ACE: variants seen among roughly 807,000 people sequenced by gnomAD.
ACE encodes angiotensin-converting enzyme.
Under a neutral mutation model 162.3 loss-of-function variants are expected in ACE, and 122 were observed. That is an observed-to-expected ratio of 0.75 (90% CI 0.65 to 0.87). ACE has a LOEUF of 0.87. Ranked by LOEUF, ACE falls within the 40% of genes least tolerant of loss-of-function variation. The pLI, the probability that ACE is intolerant of heterozygous loss-of-function variation, is 0.00. For synonymous variants in ACE, 796 were observed against 720.6 expected (o/e 1.10, Z -1.68); for missense variants, 1,799 against 1,735.1 (o/e 1.04, Z -0.65).
intron 19 of ACE, among the ~76,000 whole-genome samples, chr17:63,492,504 G>A (rs1446618545): frequency 1.3e-5 from 2 of 152,246 alleles, no homozygotes; most frequent in East Asian, 1.9e-4. Flanking sequence ...CCACAGGGCT[G>A]AGAGGAGACA....
In ACE at chr17:63,497,372, C is replaced by G. The variant is rs1244430913; in HGVS notation, c.*6C>G. On this transcript the variant is annotated 3_prime_UTR_variant, in exon 25 of 25. Coordinates refer to ENST00000290866, the MANE Select transcript of ACE (RefSeq NM_000789.4). ...TGGAGCTGAGACACTCCTGAGGTGA[C>G]CCGGCTGGGTCGGCCCTGCCCAAGG... 1.3e-6 allele frequency: 2 copies of G among 1,547,812 alleles called. No homozygotes were observed. The highest frequency in any genetic ancestry group is 1.7e-6 in the Non-Finnish European group (2 of 1,146,616).
rs1037068942 is a variant in ACE, at chr17:63,489,087, G to A, written c.2596G>A (p.Ala866Thr). ...CCGGGCCCTGCACCGTCACTACGGG[G>A]CCCAGCACATCAACCTGGAGGGGCC... The part of the protein sequence containing the change: ...VRRALHRHYG[A>T]QHINLEGPIP... Residue 866 changes from alanine (A) to threonine (T), a missense_variant, in exon 17 of 25, where the codon GCC (alanine) becomes ACC (threonine). Ala to Thr is a moderately conservative substitution (Grantham distance 58). Transcript: ENST00000290866. The A allele has an allele frequency of 6.2e-7, 1 of 1,613,302 alleles. No individual in the cohort carries two copies. The highest frequency in any genetic ancestry group is 2.2e-5 in the East Asian group (1 of 44,888).
At chr17:63,493,822 C>T (rs1456673220) in intron 20 of ACE, 100 bp from the exon 21 acceptor site, 2 of 1,579,042 alleles carry the variant, frequency 1.3e-6, no homozygotes, top group Non-Finnish European at 1.7e-6. Context: ...GGTCACAGGG[C>T]CCAAAAGGTA....
At position 63,496,348 on chromosome 17, in the gene ACE, G is replaced by C. The variant is rs1268182366; in HGVS notation, c.3381-46G>C. ...AGGGCCTGGGGCCCAGTGGCACAAGGCCCTCAACCAACTCCGCCCCGGGCC... is the reference window on the plus strand; with the variant it reads ...AGGGCCTGGGGCCCAGTGGCACAAGCCCCTCAACCAACTCCGCCCCGGGCC... On this transcript the variant is annotated intron_variant, in intron 22 of 24. Transcript: ENST00000290866. The C allele has an allele frequency of 3.1e-6, 5 of 1,613,532 alleles. No homozygotes were observed. The African/African-American group carries it at 5.3e-5, about 17-fold the overall frequency.
chr17:63,485,061 G>T, intron 12 of ACE, 175 bp from the exon 13 acceptor site: 2 of 1,562,346 alleles, frequency 1.3e-6, no homozygotes, highest in Non-Finnish European at 1.7e-6. Context: ...TCAGCCCAGA[G>T]CCCAAGTGGG....
chr17:63,477,298 C>T lies in ACE; in HGVS notation c.204C>T (p.Ser68=). ...EQVLFQSVAA[S]WAHDTNITAE... Reference sequence around the variant, plus strand: ...TGCTGTTCCAGAGCGTGGCCGCCAGCTGGGCGCACGACACCAACATCACCG... The same window carrying T: ...TGCTGTTCCAGAGCGTGGCCGCCAGTTGGGCGCACGACACCAACATCACCG... The change falls in exon 1 of 25, where the codon AGC becomes AGT. Residue 68 remains serine (S), a synonymous_variant. Coordinates refer to ENST00000290866, the MANE Select transcript of ACE (RefSeq NM_000789.4). 7 of 1,442,770 alleles carry T rather than the reference C, an allele frequency of 4.9e-6. No homozygotes were observed. The highest frequency in any genetic ancestry group is 6.4e-6 in the Non-Finnish European group (7 of 1,092,208). The allele number at this position is 1,442,770 out of a possible 1,614,324, so 89.4% of individuals were successfully genotyped here. A position where few individuals can be genotyped will look rare whatever the true frequency, so the allele number is the denominator to read the frequency against.
Position 63,483,855 on chromosome 17 carries a change from T to A in ACE, c.1593T>A (p.Phe531Leu). ...TCCCACCCTGTGCCTGCAGGTACTT[T>A]GTGAGTTTTGTCCTGCAGTTCCAGT... ...VPNVTPYIRY[F>L]VSFVLQFQFH... The change falls in exon 11 of 25, where the codon TTT becomes TTA. Residue 531 changes from phenylalanine to leucine, a missense_variant. Physicochemically the swap from Phe to Leu is conservative, Grantham distance 22. Coordinates refer to ENST00000290866, the MANE Select transcript of ACE (RefSeq NM_000789.4). 1.9e-6 allele frequency: 3 copies of A among 1,614,070 alleles called. No homozygotes were observed. Among genetic ancestry groups the A allele is most frequent in the Non-Finnish European group, 2.5e-6 (3 of 1,180,008 alleles).
chr17:63,484,479 T>G lies in ACE; in HGVS notation c.1859T>G (p.Val620Gly). 1.9e-6 allele frequency: 3 copies of G among 1,610,776 alleles called. No individual in the cohort carries two copies. Among genetic ancestry groups the G allele is most frequent in the Non-Finnish European group, 2.5e-6 (3 of 1,179,596 alleles). Residue 620 changes from valine to glycine, a missense_variant, in exon 12 of 25, where the codon GTC (valine) becomes GGC (glycine). By Grantham distance (109) the Val-to-Gly change is moderately radical. Coordinates refer to ENST00000290866, the MANE Select transcript of ACE (RefSeq NM_000789.4). This position sits in a 1 kb window ranked among gnomAD's most constrained non-coding sequence, Gnocchi z 4.0. ...GAGCAGAACCAGCAGAACGGCGAGG[T>G]CCTGGGCTGGCCCGAGTACCAGTGG... Reference protein sequence around the residue: ...LQEQNQQNGEVLGWPEYQWHP... With the variant: ...LQEQNQQNGEGLGWPEYQWHP...
rs1419177611 is a variant in ACE at position 63,485,306 on chromosome 17, G to A, written c.1992G>A (p.Trp664Ter). The change falls in exon 13 of 25, where the codon TGG becomes TGA. Residue 664 changes from tryptophan to a stop codon, truncating the protein, a stop_gained. Coordinates refer to ENST00000290866, the MANE Select transcript of ACE (RefSeq NM_000789.4). LOFTEE classifies it high-confidence loss of function. Reference protein sequence around the residue: ...EEYDRTSQVVWNEYAEANWNY... With the variant: ...EEYDRTSQVV The stretch of plus-strand genomic sequence containing the variant: ...ATGACCGGACATCCCAGGTGGTGTG[G>A]AACGAGTATGCCGAGGCCAACTGGA... 2 of 1,614,082 alleles carry A rather than the reference G, an allele frequency of 1.2e-6. No individual in the cohort carries two copies. The highest frequency in any genetic ancestry group is 1.1e-5 in the South Asian group (1 of 91,060).
intron 9 of ACE, 65 bp downstream of exon 9, chr17:63,483,238 CGCCTCCTGCCCCAGCCAGTTCTA>C (rs1183734225): frequency 1.2e-6 from 2 of 1,610,576 alleles, no homozygotes; most frequent in Non-Finnish European, 1.7e-6. Context: ...GACAGCCAGG[CGCCTCCTGCCCCAGCCAGTTCTA>C]GCCTCTCCTC....
chr17:63,482,762 G>A, intron 8 of ACE, 73 bp downstream of exon 8: 2 of 1,476,258 alleles, frequency 1.4e-6, no homozygotes, highest in Non-Finnish European at 1.9e-6. Context: ...GACCTCACTT[G>A]CCCCACTCAG....
chr17:63,497,026 C>T (rs748768001), intron 24 of ACE, 41 bp downstream of exon 24: 7 of 1,595,158 alleles, frequency 4.4e-6, no homozygotes, highest in Non-Finnish European at 5.1e-6. Context: ...GGTCTTAACC[C>T]CCTCCCCAGG....
chr17:63,495,125 G>T (rs2030649132), intron 22 of ACE, among the ~76,000 whole-genome samples: 1 of 152,198 alleles, frequency 6.6e-6, no homozygotes, highest in African/African-American at 2.4e-5. Flanking sequence ...TCAGGGAGGG[G>T]TGGCCAGGAC....
At chr17:63,477,843 CT>C in intron 1 of ACE, 87 bp from the exon 2 acceptor site, 4 of 1,518,128 alleles carry the variant, frequency 2.6e-6, no homozygotes, top group Non-Finnish European at 2.7e-6. Context: ...CTTGGCCTTC[CT>C]CCCCTCCCCC....
At position 63,484,697 on chromosome 17, in the gene ACE, G is replaced by A. The variant is rs536924731; in HGVS notation, c.1921+156G>A. The A allele has an allele frequency of 2.4e-5, 35 of 1,447,740 alleles. 1 individual carries two copies. The highest frequency in any genetic ancestry group is 1.2e-4 in the East Asian group (5 of 40,234). The allele number at this position is 1,447,740 out of a possible 1,614,324, so 89.7% of individuals were successfully genotyped here. A position where few individuals can be genotyped will look rare whatever the true frequency, so the allele number is the denominator to read the frequency against. On this transcript the variant is annotated intron_variant, in intron 12 of 24. Transcript: ENST00000290866. The surrounding 1 kb of genome is among the most constrained non-coding windows in gnomAD (Gnocchi z 4.0). The stretch of plus-strand genomic sequence containing the variant: ...CCCCAAGCTCATCAGCAGGGCCTGC[G>A]AGTGGGGACAGGCATGTCTTTCCCC...
chr17:63,485,041 C>T (rs972512569), intron 12 of ACE, 195 bp from the exon 13 acceptor site: 3 of 1,610,384 alleles, frequency 1.9e-6, no homozygotes, highest in Non-Finnish European at 2.5e-6. Flanking sequence ...AGGCGACGGC[C>T]CACCAGACAT....
At chr17:63,494,507 AGTACC>A (rs2030607380) in intron 22 of ACE, 37 bp downstream of exon 22, 1 of 1,547,046 alleles carries the variant, frequency 6.5e-7, no homozygotes, top group Admixed American at 1.7e-5. Flanking sequence ...TGTGAGGGGC[AGTACC>A]CACAGCTTTG....
In ACE at chr17:63,495,111, C is replaced by T. The variant is rs182125218; in HGVS notation, c.3380+641C>T. On this transcript the variant is annotated intron_variant, in intron 22 of 24. Coordinates refer to ENST00000290866, the MANE Select transcript of ACE (RefSeq NM_000789.4). ...CTTAGCATTCTGTCTCATACACAGC[C>T]TCCTCAGGGAGGGGTGGCCAGGACC... 1.4e-4 allele frequency among the ~76,000 whole-genome samples: 21 copies of T among 152,306 alleles called. No individual in the cohort carries two copies. In the East Asian group the frequency reaches 3.9e-3, roughly 28 times the overall value.
intron 12 of ACE, 26 bp from the exon 13 acceptor site, chr17:63,485,210 C>G: frequency 1.2e-6 from 2 of 1,613,888 alleles, no homozygotes; most frequent in South Asian, 2.2e-5. Flanking sequence ...AGAGGTTTGT[C>G]TGTTTCCCTG....
Sources: allele counts gnomAD v4.1 joint callset (sites outside exome capture counted in the v4.1 genomes callset), GRCh38; gene constraint gnomAD v4.1.1; non-coding constraint Gnocchi (gnomAD v3.1); transcripts MANE v1.5; gene names NCBI Gene and HGNC (gene_info 2026-07-23, HGNC 2026-07-21).